ANKRD52: variants seen among roughly 807,000 people sequenced by gnomAD.
ANKRD52 encodes serine/threonine-protein phosphatase 6 regulatory ankyrin repeat subunit C.
Under a neutral mutation model 116.0 loss-of-function variants are expected in ANKRD52, and 7 were observed. The observed-to-expected ratio is 0.06, with a 90% CI of 0.03 to 0.11. The LOEUF is 0.11. Ranked by LOEUF, ANKRD52 falls within the 10% of genes least tolerant of loss-of-function variation. ANKRD52 has a pLI of 1.00. For missense variants in ANKRD52, 839 were observed against 1,408.6 expected (o/e 0.60, Z 6.47); for synonymous variants, 528 against 578.1 (o/e 0.91, Z 1.24).
At position 56,252,718 on chromosome 12, in the gene ANKRD52, G is replaced by A; in HGVS notation, c.1301+62C>T. On this transcript the variant is annotated intron_variant, in intron 12 of 27. Coordinates refer to ENST00000267116, the MANE Select transcript of ANKRD52 (RefSeq NM_173595.4). This position sits in a 1 kb window ranked among gnomAD's most constrained non-coding sequence, Gnocchi z 4.7. ...GGAATAGATCTGGGCAGGCAAGAAT[G>A]AGGGGCCCAGACCTTTGCCCAGCTC... The A allele has an allele frequency of 5.1e-6, 8 of 1,569,208 alleles. No individual in the cohort carries two copies. The highest frequency in any genetic ancestry group is 6.1e-6 in the Non-Finnish European group (7 of 1,142,388).
In ANKRD52 at chr12:56,242,528, G is replaced by C. The variant is rs1321328154; in HGVS notation, c.*614C>G. On this transcript the variant is annotated 3_prime_UTR_variant, in exon 28 of 28. Coordinates refer to ENST00000267116, the MANE Select transcript of ANKRD52 (RefSeq NM_173595.4). The surrounding 1 kb of genome is among the most constrained non-coding windows in gnomAD (Gnocchi z 4.3). ...CCAGGTACAGTAGTTGCTGCTTCAA[G>C]TGTTTTGCATTTGAACTTTAGGGGT... The C allele has an allele frequency of 4.4e-6, 1 of 227,864 alleles. No homozygotes were observed. Among genetic ancestry groups the C allele is most frequent in the African/African-American group, 2.2e-5 (1 of 44,468 alleles). 14.1% of individuals were successfully genotyped at this position (227,864 alleles called of 1,614,324 possible).
Position 56,258,315 on chromosome 12 carries a change from C to G in ANKRD52, c.-46G>C. Reference sequence around the variant, plus strand: ...CGCATCGAGCTCCCGGCGGCGGCGGCGGCGGCTCCACCGGGGACACGGAGC... The same window carrying G: ...CGCATCGAGCTCCCGGCGGCGGCGGGGGCGGCTCCACCGGGGACACGGAGC... On this transcript the variant is annotated 5_prime_UTR_variant, in exon 1 of 28. Transcript: ENST00000267116. 6.6e-7 allele frequency: 1 copy of G among 1,517,384 alleles called. No homozygotes were observed. Among genetic ancestry groups the G allele is most frequent in the Non-Finnish European group, 8.8e-7 (1 of 1,134,100 alleles). 94.0% of individuals were successfully genotyped at this position (1,517,384 alleles called of 1,614,324 possible). A position where few individuals can be genotyped will look rare whatever the true frequency, so the allele number is the denominator to read the frequency against.
Position 56,257,846 on chromosome 12 carries a change from C to T in ANKRD52, c.93G>A (p.Lys31=), listed in dbSNP as rs769706849. 14 of 1,613,840 alleles carry T rather than the reference C, an allele frequency of 8.7e-6. No individual in the cohort carries two copies. The South Asian group carries it at 1.4e-4, about 16-fold the overall frequency. The part of the protein sequence containing the change: ...VEEVRSLLSQ[K]ENINVLDQER... ...AACTCACCAGCACATTGATGTTCTC[C>T]TTCTGCGAGAGTAGGGAACGCACTT... The change falls in exon 2 of 28, where the codon AAG becomes AAA. Residue 31 remains lysine, a synonymous_variant. Transcript: ENST00000267116.
chr12:56,242,990 A>C lies in ANKRD52; in HGVS notation c.*152T>G, dbSNP rs1871229708. 8.7e-7 allele frequency: 1 copy of C among 1,148,422 alleles called. No homozygotes were observed. Among genetic ancestry groups the C allele is most frequent in the East Asian group, 2.6e-5 (1 of 38,642 alleles). The allele number at this position is 1,148,422 out of a possible 1,614,324, so 71.1% of individuals were successfully genotyped here. A position where few individuals can be genotyped will look rare whatever the true frequency, so the allele number is the denominator to read the frequency against. On this transcript the variant is annotated 3_prime_UTR_variant, in exon 28 of 28. Transcript: ENST00000267116. This position sits in a 1 kb window ranked among gnomAD's most constrained non-coding sequence, Gnocchi z 4.3. ...CCTGCCAGGCCAAGATGGTGTGGCA[A>C]AGGGGTGAGCAGCTGCTCCCCAGGG...
chr12:56,247,665 C>T (rs943879390), intron 19 of ANKRD52, 22 bp downstream of exon 19: 3 of 1,604,300 alleles, frequency 1.9e-6, no homozygotes, highest in African/African-American at 1.3e-5. Flanking sequence ...AAAACCTGCA[C>T]CCCACCCTGG....
Position 56,246,636 on chromosome 12 carries a change from T to C in ANKRD52, c.2184+857A>G, listed in dbSNP as rs569917146. On this transcript the variant is annotated intron_variant, in intron 20 of 27. Coordinates refer to ENST00000267116, the MANE Select transcript of ANKRD52 (RefSeq NM_173595.4). ...GTTGTACGTGATTACAAAGCACAGA[T>C]ATTGGCCAGGCACAGTGGCTCACGC... Among the ~76,000 whole-genome samples the C allele has an allele frequency of 1.3e-4, 19 of 151,978 alleles. No individual in the cohort carries two copies. The South Asian group carries it at 1.5e-3, about 12-fold the overall frequency.
At position 56,238,626 on chromosome 12, in the gene ANKRD52, TC is replaced by T. The variant is rs1871029797; in HGVS notation, c.*4515del. ...CACACAGCAGCGAGAGTAGGCACCC[TC>T]CCTTCCCAGGCTTCTGTGGCCTGGA... On this transcript the variant is annotated 3_prime_UTR_variant, in exon 28 of 28. Coordinates refer to ENST00000267116, the MANE Select transcript of ANKRD52 (RefSeq NM_173595.4). 1 of 114,632 alleles carries T rather than the reference TC, an allele frequency of 8.7e-6. No individual in the cohort carries two copies. Among genetic ancestry groups the T allele is most frequent in the Admixed American group, 1.4e-4 (1 of 7,272 alleles). The allele number at this position is 114,632 out of a possible 1,614,324, so 7.1% of individuals were successfully genotyped here. A position where few individuals can be genotyped will look rare whatever the true frequency, so the allele number is the denominator to read the frequency against.
chr12:56,255,172 T>G lies in ANKRD52; in HGVS notation c.463-220A>C, dbSNP rs146137846. 1,144 of 480,032 alleles carry G rather than the reference T, an allele frequency of 2.4e-3. 22 individuals are homozygous for G. In the Admixed American group the frequency reaches 0.028, roughly 12 times the overall value. The allele number at this position is 480,032 out of a possible 1,614,324, so 29.7% of individuals were successfully genotyped here. ...AGGGAAACAAGAGAGTCTCTTCAGGTGATCTGGTGGTTCTTAAACTCTTTT... is the reference window on the plus strand; with the variant it reads ...AGGGAAACAAGAGAGTCTCTTCAGGGGATCTGGTGGTTCTTAAACTCTTTT... On this transcript the variant is annotated intron_variant, in intron 5 of 27. Transcript: ENST00000267116. This position sits in a 1 kb window ranked among gnomAD's most constrained non-coding sequence, Gnocchi z 4.3.
chr12:56,254,944 G>T lies in ANKRD52; in HGVS notation c.471C>A (p.Asn157Lys), dbSNP rs1270581549. The change falls in exon 6 of 28, where the codon AAC (asparagine) becomes AAA (lysine). Residue 157 changes from asparagine to lysine, a missense_variant. Coordinates refer to ENST00000267116, the MANE Select transcript of ANKRD52 (RefSeq NM_173595.4). This position sits in a 1 kb window ranked among gnomAD's most constrained non-coding sequence, Gnocchi z 4.6. ...GGCTGGCTCCCTTGTTGAGGAGCAG[G>T]TTCACCGTCTGCATCAGGATATGAA... ...AVHSGHLETV[N>K]LLLNKGASLN... 6.2e-7 allele frequency: 1 copy of T among 1,612,590 alleles called. No individual in the cohort carries two copies. The highest frequency in any genetic ancestry group is 1.3e-5 in the African/African-American group (1 of 74,896).
At chr12:56,256,497 C>A (rs1372134815) in intron 4 of ANKRD52, among the ~76,000 whole-genome samples, 2 of 152,194 alleles carry the variant, frequency 1.3e-5, no homozygotes, top group Non-Finnish European at 2.9e-5. Context: ...TCCCACTGGC[C>A]TCGGCCCCTC....
At position 56,242,344 on chromosome 12, in the gene ANKRD52, C is replaced by T; in HGVS notation, c.*798G>A. 2 of 395,596 alleles carry T rather than the reference C, an allele frequency of 5.1e-6. No individual in the cohort carries two copies. Among genetic ancestry groups the T allele is most frequent in the Non-Finnish European group, 8.9e-6 (2 of 224,760 alleles). 24.5% of individuals were successfully genotyped at this position (395,596 alleles called of 1,614,324 possible). ...GCCAGGGCAGGAATGACCACAGGCT[C>T]TGCCCTCCCAAAAGAAGATAAAAGA... On this transcript the variant is annotated 3_prime_UTR_variant, in exon 28 of 28. Transcript: ENST00000267116. This position sits in a 1 kb window ranked among gnomAD's most constrained non-coding sequence, Gnocchi z 4.3.
At position 56,254,393 on chromosome 12, in the gene ANKRD52, AT is replaced by A. The variant is rs1871846171; in HGVS notation, c.694-115del. 6.9e-7 allele frequency: 1 copy of A among 1,452,424 alleles called. No homozygotes were observed. Among genetic ancestry groups the A allele is most frequent in the Admixed American group, 1.8e-5 (1 of 55,976 alleles). The allele number at this position is 1,452,424 out of a possible 1,614,324, so 90.0% of individuals were successfully genotyped here. On this transcript the variant is annotated intron_variant, in intron 7 of 27. Coordinates refer to ENST00000267116, the MANE Select transcript of ANKRD52 (RefSeq NM_173595.4). The surrounding 1 kb of genome is among the most constrained non-coding windows in gnomAD (Gnocchi z 4.6). Reference sequence around the variant, plus strand: ...GACTGCCTCATTTCCTCTCGGGTTTATGACCCAAGGTACTAAGGTACTAAGG... The same window carrying A: ...GACTGCCTCATTTCCTCTCGGGTTTAGACCCAAGGTACTAAGGTACTAAGG...
rs1303592376 is a variant in ANKRD52 at position 56,238,750 on chromosome 12, C to G, written c.*4392G>C. ...CAAGCCAGAACCCACCCCCACCCCC[C>G]AAACACACATACAAAGCTGAGCTAT... On this transcript the variant is annotated 3_prime_UTR_variant, in exon 28 of 28. Transcript: ENST00000267116. 1.3e-5 allele frequency: 2 copies of G among 152,610 alleles called. No individual in the cohort carries two copies. The highest frequency in any genetic ancestry group is 1.3e-4 in the Admixed American group (2 of 15,276). The allele number at this position is 152,610 out of a possible 1,614,324, so 9.5% of individuals were successfully genotyped here.
Position 56,239,462 on chromosome 12 carries a change from A to AG in ANKRD52, c.*3679dup, listed in dbSNP as rs1187858455. On this transcript the variant is annotated 3_prime_UTR_variant, in exon 28 of 28. Coordinates refer to ENST00000267116, the MANE Select transcript of ANKRD52 (RefSeq NM_173595.4). ...GCCCCAGGAGTAGGGTTTCTGGGCT[A>AG]GGGTCTGTAAGGCTATTTTCCTTTG... 1 of 152,214 alleles carries AG rather than the reference A, an allele frequency of 6.6e-6. No individual in the cohort carries two copies. The highest frequency in any genetic ancestry group is 2.4e-5 in the African/African-American group (1 of 41,414). The allele number at this position is 152,214 out of a possible 1,614,324, so 9.4% of individuals were successfully genotyped here.
At chr12:56,256,968 A>C in intron 4 of ANKRD52, 47 bp downstream of exon 4, 1 of 1,580,010 alleles carries the variant, frequency 6.3e-7, no homozygotes, top group Non-Finnish European at 8.6e-7. Context: ...CCCACCTTTA[A>C]GCAACTTATC....
chr12:56,257,316 C>T lies in ANKRD52; in HGVS notation c.157G>A (p.Asp53Asn). 6.3e-7 allele frequency: 1 copy of T among 1,597,234 alleles called. No homozygotes were observed. Among genetic ancestry groups the T allele is most frequent in the Non-Finnish European group, 8.5e-7 (1 of 1,171,940 alleles). Residue 53 changes from aspartate (D) to asparagine (N), a missense_variant, in exon 3 of 28, where the codon GAT becomes AAT. Asp to Asn is a conservative substitution (Grantham distance 23, BLOSUM62 1). Around this residue, in one of 2 missense-constraint regions of ANKRD52, gnomAD observed 287 missense variants for 598.1 expected, o/e 0.48. Transcript: ENST00000267116. The part of the protein sequence containing the change: ...TPLHAAAYVG[D>N]VPILQLLLMS... ...AGTAGCAACTGGAGGATGGGGACAT[C>T]GCCTACGTAGGCAGCAGCATGCAAT...
chr12:56,250,919 TA>T (rs971898601), intron 15 of ANKRD52, among the ~76,000 whole-genome samples: 21 of 152,156 alleles, frequency 1.4e-4, no homozygotes, highest in African/African-American at 5.1e-4. Context: ...TCATCCTTTT[TA>T]AATTTTTATT....
Position 56,248,852 on chromosome 12 carries a change from C to T in ANKRD52, c.1611G>A (p.Leu537=). The change falls in exon 16 of 28, where the codon CTG becomes CTA. Residue 537 remains leucine (L), a synonymous_variant. Coordinates refer to ENST00000267116, the MANE Select transcript of ANKRD52 (RefSeq NM_173595.4). The surrounding 1 kb of genome is among the most constrained non-coding windows in gnomAD (Gnocchi z 5.1). Reference sequence around the variant, plus strand: ...GCAGGGAGGGGTCTGCACCGTTATCCAGTAAGAACTCCAGACAGCTGGGGA... The same window carrying T: ...GCAGGGAGGGGTCTGCACCGTTATCTAGTAAGAACTCCAGACAGCTGGGGA... ...KEAFFCLEFL[L]DNGADPSLRD... is the part of the protein sequence containing the mutation. 1 of 1,605,598 alleles carries T rather than the reference C, an allele frequency of 6.2e-7. No individual in the cohort carries two copies. The highest frequency in any genetic ancestry group is 8.5e-7 in the Non-Finnish European group (1 of 1,175,938).
In ANKRD52 at chr12:56,243,172, G is replaced by A. The variant is rs773616934; in HGVS notation, c.3201C>T (p.Ala1067=). 6 of 1,607,280 alleles carry A rather than the reference G, an allele frequency of 3.7e-6. No homozygotes were observed. The highest frequency in any genetic ancestry group is 2.7e-5 in the African/African-American group (2 of 74,872). Residue 1067 remains alanine (A), a synonymous_variant, in exon 28 of 28, where the codon GCC becomes GCT. Coordinates refer to ENST00000267116, the MANE Select transcript of ANKRD52 (RefSeq NM_173595.4). The surrounding 1 kb of genome is among the most constrained non-coding windows in gnomAD (Gnocchi z 4.6). The part of the protein sequence containing the change: ...SCPYSQERPG[A]IGLDGCYSE ...CAGAGTAGCAGCCATCTAACCCAAT[G>A]GCGCCGGGCCGCTCCTGGCTGTAGG...
Sources: gnomAD v4.1 joint callset for allele counts (sites outside exome capture counted in the v4.1 genomes callset) on GRCh38, gnomAD v4.1.1 for gene constraint, gnomAD v4.1.1 regional missense constraint, Gnocchi (gnomAD v3.1) non-coding constraint, MANE v1.5 for transcripts, NCBI Gene and HGNC (gene_info 2026-07-23, HGNC 2026-07-21) for gene names.